Variants in FAM81B observed in about 807,000 individuals in gnomAD.
FAM81B encodes family with sequence similarity 81 member B, also known as protein FAM81B.
A neutral mutation model predicts 58.7 loss-of-function variants in FAM81B; 60 were observed. The ratio of observed to expected loss-of-function variants is 1.02; its 90% CI spans 0.83 to 1.27. The LOEUF (loss-of-function observed/expected upper bound fraction) is 1.27, where lower values mean the gene tolerates loss of function less well. Among genes scored for constraint, FAM81B ranks in the 50% most tolerant of loss-of-function variants. The pLI is 0.00. For missense variants in FAM81B, 491 were observed against 522.0 expected (o/e 0.94, Z 0.58); for synonymous variants, 189 against 179.6 (o/e 1.05, Z -0.42).
Position 95,414,056 on chromosome 5 carries a change from A to G in FAM81B, c.403A>G (p.Ile135Val), listed in dbSNP as rs768355746. The change falls in exon 4 of 10, where the codon ATC becomes GTC. Residue 135 changes from isoleucine (I) to valine (V), a missense_variant. Ile to Val is a conservative substitution (Grantham distance 29). Coordinates refer to ENST00000283357, the MANE Select transcript of FAM81B (RefSeq NM_152548.3). Reference sequence around the variant, plus strand: ...TTTCCTTCTTGAACAAGCCTTCCGCATCAAGGAGGACATCTCTGCTTGCCT... The same window carrying G: ...TTTCCTTCTTGAACAAGCCTTCCGCGTCAAGGAGGACATCTCTGCTTGCCT... ...IAFLLEQAFR[I>V]KEDISACLQG... The G allele has an allele frequency of 1.9e-6, 3 of 1,614,100 alleles. No homozygotes were observed. Among genetic ancestry groups the G allele is most frequent in the Non-Finnish European group, 8.5e-7 (1 of 1,180,006 alleles).
chr5:95,429,000 T>C (rs1744749547), intron 6 of FAM81B, among the ~76,000 whole-genome samples: 1 of 152,172 alleles, frequency 6.6e-6, no homozygotes, highest in African/African-American at 2.4e-5. Flanking sequence ...TTTTACTCTC[T>C]GGAAGTAGTA....
chr5:95,439,497 T>G (rs974901732), intron 7 of FAM81B, among the ~76,000 whole-genome samples: 1 of 151,894 alleles, frequency 6.6e-6, no homozygotes, highest in African/African-American at 2.4e-5. Flanking sequence ...TTGGGATTTT[T>G]GTCATTGTCT....
At chr5:95,418,073 A>G (rs1385176326) in intron 4 of FAM81B, among the ~76,000 whole-genome samples, 1 of 152,230 alleles carries the variant, frequency 6.6e-6, no homozygotes, top group African/African-American at 2.4e-5. Context: ...CAAGTAATTC[A>G]TAAGTGTTCA....
chr5:95,444,765 T>G (rs894604346), intron 7 of FAM81B, among the ~76,000 whole-genome samples: 1 of 152,222 alleles, frequency 6.6e-6, no homozygotes, highest in Non-Finnish European at 1.5e-5. Flanking sequence ...GCTATTAGAC[T>G]GTAACTAATA....
intron 6 of FAM81B, among the ~76,000 whole-genome samples, chr5:95,433,695 T>C (rs1744996959): frequency 1.3e-5 from 2 of 152,204 alleles, no homozygotes; most frequent in Admixed American, 6.5e-5. Context: ...GTATTCTGTA[T>C]TTTTAGGGCA....
chr5:95,441,412 T>C (rs1745340519), intron 7 of FAM81B, among the ~76,000 whole-genome samples: 1 of 151,674 alleles, frequency 6.6e-6, no homozygotes, highest in South Asian at 2.1e-4. Context: ...GTACTAAAAA[T>C]ACAAAAATTA....
chr5:95,425,940 T>C (rs553217408), intron 5 of FAM81B, among the ~76,000 whole-genome samples: 56 of 151,460 alleles, frequency 3.7e-4, no homozygotes, highest in Non-Finnish European at 6.9e-4. Flanking sequence ...TCTCTCATAG[T>C]GAAGAAATAC....
intron 5 of FAM81B, chr5:95,424,287 CAGAT>C (rs1762766279): frequency 9.3e-6 from 11 of 1,183,114 alleles, no homozygotes; most frequent in Non-Finnish European, 1.1e-5. Flanking sequence ...AGAAGACAGA[CAGAT>C]AGATGATAGA....
chr5:95,439,432 C>T (rs1340450822), intron 7 of FAM81B, among the ~76,000 whole-genome samples: 1 of 151,500 alleles, frequency 6.6e-6, no homozygotes, highest in East Asian at 1.9e-4. Context: ...TTTGCATTCC[C>T]TTTTACTATT....
At chr5:95,402,295 T>A (rs1385490580) in intron 3 of FAM81B, among the ~76,000 whole-genome samples, 1 of 152,194 alleles carries the variant, frequency 6.6e-6, no homozygotes, top group Admixed American at 6.5e-5. Flanking sequence ...TCTGTCCTTG[T>A]GGCAATGCAA....
intron 4 of FAM81B, among the ~76,000 whole-genome samples, chr5:95,419,996 C>T (rs568243945): frequency 6.6e-6 from 1 of 152,238 alleles, no homozygotes; most frequent in African/African-American, 2.4e-5. Context: ...AATAATATGC[C>T]AATATTGTTA....
rs183299376 is a variant in FAM81B, at chr5:95,438,629, G to A, written c.893+1723G>A. Among the ~76,000 whole-genome samples the A allele has an allele frequency of 3.0e-3, 455 of 152,016 alleles. 3 individuals are homozygous for A. Among genetic ancestry groups the A allele is most frequent in the Non-Finnish European group, 3.6e-3 (246 of 67,918 alleles). The stretch of plus-strand genomic sequence containing the variant: ...TCTTTTTCTCACTTTAAATAATGAA[G>A]TCTTAATATTTCAGTAGTATTACAG... On this transcript the variant is annotated intron_variant, in intron 7 of 9. Coordinates refer to ENST00000283357, the MANE Select transcript of FAM81B (RefSeq NM_152548.3).
At chr5:95,438,799 A>G (rs532332205) in intron 7 of FAM81B, among the ~76,000 whole-genome samples, 1 of 151,372 alleles carries the variant, frequency 6.6e-6, no homozygotes, top group South Asian at 2.1e-4. Context: ...AAAAAAAAAA[A>G]AACCAACAAC....
rs562119047 is a variant in FAM81B at position 95,450,222 on chromosome 5, T to A, written c.1299T>A (p.Tyr433Ter). ...AAACAAAGATGGATTTAGAGAAATA[T>A]AAAGTACAGAAAGACCTAAAGAAAT... ...IQKTKMDLEK[Y>*]KVQKDLKKLQ... The change falls in exon 10 of 10, where the codon TAT becomes TAA. Residue 433 changes from tyrosine (Y) to a stop codon, truncating the protein, a stop_gained. Coordinates refer to ENST00000283357, the MANE Select transcript of FAM81B (RefSeq NM_152548.3). LOFTEE classifies it high-confidence loss of function. The A allele has an allele frequency of 4.3e-6, 7 of 1,613,314 alleles. No individual in the cohort carries two copies. Among genetic ancestry groups the A allele is most frequent in the Non-Finnish European group, 5.1e-6 (6 of 1,179,622 alleles).
chr5:95,406,305 T>A (rs1319168323), intron 3 of FAM81B: 1 of 154,448 alleles, frequency 6.5e-6, no homozygotes, highest in Non-Finnish European at 1.5e-5. Context: ...TTGAACTATA[T>A]GAAGTGAGTT....
At chr5:95,399,998 TTCC>T (rs923061300) in intron 3 of FAM81B, among the ~76,000 whole-genome samples, 1 of 152,182 alleles carries the variant, frequency 6.6e-6, no homozygotes, top group African/African-American at 2.4e-5. Flanking sequence ...ATGCCTCAGT[TTCC>T]TCCTAAGTAG....
At chr5:95,401,815 G>A (rs59235026) in intron 3 of FAM81B, among the ~76,000 whole-genome samples, 5 of 152,278 alleles carry the variant, frequency 3.3e-5, no homozygotes, top group East Asian at 1.9e-4. Flanking sequence ...GAAGTGAGAG[G>A]CTCCATGTAC....
chr5:95,424,195 C>A (rs1335649543), intron 5 of FAM81B: 1 of 1,289,758 alleles, frequency 7.8e-7, no homozygotes, highest in Admixed American at 2.3e-5. Flanking sequence ...CTGCAGGTAG[C>A]AGAAACATTC....
chr5:95,418,673 G>A (rs1000952901), intron 4 of FAM81B, among the ~76,000 whole-genome samples: 3 of 152,108 alleles, frequency 2.0e-5, no homozygotes, highest in African/African-American at 7.2e-5. Context: ...ATGAGGTTTT[G>A]GGCATCCACT....
Sources: allele counts gnomAD v4.1 joint callset (sites outside exome capture counted in the v4.1 genomes callset), GRCh38; gene constraint gnomAD v4.1.1; transcripts MANE v1.5; gene names NCBI Gene and HGNC (gene_info 2026-07-23, HGNC 2026-07-21).